ZNF442: variants seen among roughly 807,000 people sequenced by gnomAD.
ZNF442 encodes the protein zinc finger protein 442.
ZNF442 carries 45 observed loss-of-function variants against 57.0 expected under a neutral mutation model. The ratio of observed to expected loss-of-function variants is 0.79; its 90% confidence interval spans 0.62 to 1.01. The LOEUF (loss-of-function observed/expected upper bound fraction) is 1.01, where lower values mean the gene tolerates loss of function less well. Among genes scored for constraint, ZNF442 ranks in the 50% least tolerant of loss-of-function variants. The probability of loss-of-function intolerance (pLI) is 0.00; values close to 1 mark genes in which losing one functional copy is unlikely to be tolerated. For synonymous variants in ZNF442, 213 were observed against 241.8 expected (o/e 0.88, Z 1.10); for missense variants, 690 against 756.5 (o/e 0.91, Z 1.03).
intron 3 of ZNF442, among the ~76,000 whole-genome samples, chr19:12,360,658 C>G (rs562289174): frequency 1.3e-5 from 2 of 152,214 alleles, no homozygotes; most frequent in Non-Finnish European, 2.9e-5. Context: ...CTCACTGCAA[C>G]CTACACTTTC....
At chr19:12,354,543 G>A (rs1342464535) in intron 3 of ZNF442, among the ~76,000 whole-genome samples, 5 of 152,126 alleles carry the variant, frequency 3.3e-5, no homozygotes, top group Admixed American at 1.3e-4. Flanking sequence ...ACAAAGTTAC[G>A]GCTTTACAAG....
chr19:12,357,461 C>T lies in ZNF442; in HGVS notation c.79-4347G>A, dbSNP rs565997131. On this transcript the variant is annotated intron_variant, in intron 3 of 5. Transcript: ENST00000242804. ...CCACCTCCTGGGTTCAAGCCATTCT[C>T]CTGCCTCAGCCTCCCAAGTAGCTGG... Among the ~76,000 whole-genome samples, 4 of 150,098 alleles carry T rather than the reference C, an allele frequency of 2.7e-5. No individual in the cohort carries two copies. In the South Asian group the frequency reaches 8.4e-4, roughly 32 times the overall value.
At chr19:12,355,564 T>C (rs891537884) in intron 3 of ZNF442, among the ~76,000 whole-genome samples, 1 of 150,634 alleles carries the variant, frequency 6.6e-6, no homozygotes, top group South Asian at 2.1e-4. Flanking sequence ...TTTCACCATG[T>C]TGGTCAGGCT....
upstream of ZNF442, among the ~76,000 whole-genome samples, chr19:12,370,417 C>T (rs1599598251): frequency 6.6e-6 from 1 of 151,956 alleles, no homozygotes; most frequent in Non-Finnish European, 1.5e-5. Context: ...TTTGCTTACT[C>T]GCCCGCTGCT....
chr19:12,367,249 C>G (rs983776986), upstream of ZNF442, among the ~76,000 whole-genome samples: 2 of 152,118 alleles, frequency 1.3e-5, no homozygotes, highest in African/African-American at 4.8e-5. Context: ...CATCACATAT[C>G]GGCAGGTTCC....
upstream of ZNF442, among the ~76,000 whole-genome samples, chr19:12,370,626 T>A (rs927128088): frequency 7.2e-5 from 11 of 152,100 alleles, no homozygotes; most frequent in African/African-American, 2.2e-4. Flanking sequence ...CCTAGTAAGC[T>A]AGCATACCTA....
chr19:12,373,093 C>T, the ZNF442 span, among the ~76,000 whole-genome samples: 1 of 151,830 alleles, frequency 6.6e-6, no homozygotes, highest in Non-Finnish European at 1.5e-5. Flanking sequence ...TTCTAAATTA[C>T]ATTTATAGCA....
chr19:12,359,251 T>C (rs1969383924), intron 3 of ZNF442, among the ~76,000 whole-genome samples: 1 of 152,366 alleles, frequency 6.6e-6, no homozygotes, highest in African/African-American at 2.4e-5. Flanking sequence ...ACTGAGTGAA[T>C]GCAAAACCAG....
intron 3 of ZNF442, among the ~76,000 whole-genome samples, chr19:12,356,764 C>T (rs1481429035): frequency 6.6e-6 from 1 of 152,016 alleles, no homozygotes; most frequent in African/African-American, 2.4e-5. Context: ...TGCTAATCAG[C>T]AAAAACCAAT....
At chr19:12,369,992 A>C (rs1969568252), upstream of ZNF442, among the ~76,000 whole-genome samples, 1 of 151,934 alleles carries the variant, frequency 6.6e-6, no homozygotes, top group Non-Finnish European at 1.5e-5. Context: ...AGTGATCTAA[A>C]CCAGCAGTTC....
chr19:12,369,713 T>C (rs1398335331), upstream of ZNF442, among the ~76,000 whole-genome samples: 5 of 151,618 alleles, frequency 3.3e-5, no homozygotes, highest in Non-Finnish European at 5.9e-5. Flanking sequence ...CTGGGTAACA[T>C]AGTGAAACCC....
intron 3 of ZNF442, among the ~76,000 whole-genome samples, chr19:12,356,033 A>G (rs1230288665): frequency 6.6e-6 from 1 of 151,778 alleles, no homozygotes; most frequent in Non-Finnish European, 1.5e-5. Flanking sequence ...AAAAGAAAGT[A>G]GATTTCAAAT....
the ZNF442 span, among the ~76,000 whole-genome samples, chr19:12,371,048 A>C: frequency 6.6e-6 from 1 of 152,184 alleles, no homozygotes; most frequent in African/African-American, 2.4e-5. Flanking sequence ...TTGCTTTCTC[A>C]GCTATTTTTC....
rs79488034 is a variant in ZNF442 at position 12,353,627 on chromosome 19, C to T, written c.79-513G>A. Among the ~76,000 whole-genome samples the T allele has an allele frequency of 7.9e-3, 1,198 of 152,222 alleles. 20 individuals carry two copies. Among genetic ancestry groups the T allele is most frequent in the African/African-American group, 0.028 (1,145 of 41,530 alleles). On this transcript the variant is annotated intron_variant, in intron 3 of 5. Transcript: ENST00000242804. ...ATTTGCTTAACTCTTACCTTCTCTT[C>T]GGGAGCTTGGAATTTTGTTACATGC...
intron 4 of ZNF442, among the ~76,000 whole-genome samples, chr19:12,352,629 T>C (rs1412483955): frequency 2.6e-5 from 4 of 152,220 alleles, no homozygotes; most frequent in African/African-American, 4.8e-5. Context: ...TTTATGATGA[T>C]CCATTTCAAC....
chr19:12,353,444 C>T (rs1193337885), intron 3 of ZNF442, among the ~76,000 whole-genome samples: 3 of 152,106 alleles, frequency 2.0e-5, no homozygotes, highest in Non-Finnish European at 4.4e-5. Context: ...ACTTACTGTA[C>T]AAGAATAGGA....
chr19:12,362,136 T>G (rs1005707263), intron 3 of ZNF442, among the ~76,000 whole-genome samples: 2 of 152,206 alleles, frequency 1.3e-5, no homozygotes, highest in Non-Finnish European at 2.9e-5. Context: ...TCTGCCTGGC[T>G]GCCACCCCAT....
chr19:12,369,549 C>T (rs1969564434), upstream of ZNF442, among the ~76,000 whole-genome samples: 1 of 151,456 alleles, frequency 6.6e-6, no homozygotes, highest in Admixed American at 6.6e-5. Context: ...ACCCAGGAGG[C>T]AGGGGTTGCA....
At chr19:12,353,565 C>A (rs1228025904) in intron 3 of ZNF442, among the ~76,000 whole-genome samples, 3 of 152,134 alleles carry the variant, frequency 2.0e-5, no homozygotes, top group African/African-American at 7.2e-5. Flanking sequence ...ATAACAGGTG[C>A]TGAGTGTGCA....
Sources: gnomAD v4.1 joint callset for allele counts (sites outside exome capture counted in the v4.1 genomes callset) on GRCh38, gnomAD v4.1.1 for gene constraint, MANE v1.5 for transcripts, NCBI Gene and HGNC (gene_info 2026-07-23, HGNC 2026-07-21) for gene names.